Variants in SETD7 observed in about 807,000 individuals in gnomAD.
The protein encoded by SETD7 is SET domain containing 7, histone lysine methyltransferase.
Under a neutral mutation model 41.8 loss-of-function variants are expected in SETD7, and 16 were observed. That is an observed-to-expected ratio of 0.38 (90% CI 0.26 to 0.58). SETD7 has a LOEUF of 0.58. Ranked by LOEUF, SETD7 falls within the 20% of genes least tolerant of loss-of-function variation. The pLI is 0.64. For synonymous variants in SETD7, 163 were observed against 169.7 expected (o/e 0.96, Z 0.31); for missense variants, 346 against 459.7 (o/e 0.75, Z 2.26).
At chr4:139,530,386 G>A (rs1727450205) in intron 3 of SETD7, among the ~76,000 whole-genome samples, 1 of 132,820 alleles carries the variant, frequency 7.5e-6, no homozygotes, top group African/African-American at 2.9e-5. Context: ...TGCCTTCTAG[G>A]AAAAGGGATG....
chr4:139,528,880 A>T, intron 4 of SETD7, 151 bp downstream of exon 4: 1 of 646,510 alleles, frequency 1.5e-6, no homozygotes, highest in Non-Finnish European at 2.6e-6. Flanking sequence ...ACCACTGGGG[A>T]GGTGCAGTGT....
intron 2 of SETD7, among the ~76,000 whole-genome samples, chr4:139,545,456 T>C (rs1249577999): frequency 1.3e-5 from 2 of 152,190 alleles, no homozygotes; most frequent in African/African-American, 4.8e-5. Context: ...TGGGCCTCTA[T>C]GGCACTCAAG....
intron 2 of SETD7, among the ~76,000 whole-genome samples, chr4:139,542,032 G>A (rs1029109596): frequency 4.6e-5 from 7 of 152,128 alleles, no homozygotes; most frequent in Admixed American, 6.5e-5. Context: ...TGGTATATAC[G>A]TACACAATGG....
At chr4:139,520,060 T>C (rs943557800) in intron 6 of SETD7, among the ~76,000 whole-genome samples, 3 of 152,182 alleles carry the variant, frequency 2.0e-5, no homozygotes, top group Non-Finnish European at 4.4e-5. Context: ...TACTGTCTTA[T>C]TGATGGCATT....
At position 139,555,543 on chromosome 4, in the gene SETD7, G is replaced by A. The variant is rs1337343865; in HGVS notation, c.40+555C>T. ...CGACAATGATTTCATCTTTTCGGAAGAGCTGCCGCCTGGGCCGCGGCTGCC... is the reference window on the plus strand; with the variant it reads ...CGACAATGATTTCATCTTTTCGGAAAAGCTGCCGCCTGGGCCGCGGCTGCC... On this transcript the variant is annotated intron_variant, in intron 1 of 7. Transcript: ENST00000274031. The surrounding 1 kb of genome is among the most constrained non-coding windows in gnomAD (Gnocchi z 4.0). 6.6e-6 allele frequency among the ~76,000 whole-genome samples: 1 copy of A among 152,144 alleles called. No homozygotes were observed. Among genetic ancestry groups the A allele is most frequent in the Non-Finnish European group, 1.5e-5 (1 of 68,008 alleles).
intron 2 of SETD7, among the ~76,000 whole-genome samples, chr4:139,542,419 A>T (rs956945236): frequency 2.6e-5 from 4 of 152,240 alleles, no homozygotes; most frequent in African/African-American, 9.6e-5. Context: ...CCAGAAAGAA[A>T]TGATGAATCT....
chr4:139,519,181 C>T (rs148743749), intron 6 of SETD7, among the ~76,000 whole-genome samples: 2 of 152,272 alleles, frequency 1.3e-5, no homozygotes, highest in Non-Finnish European at 2.9e-5. Context: ...CTTAGGCTGC[C>T]ATTAGTTGTG....
rs1469086341 is a variant in SETD7 at position 139,510,925 on chromosome 4, G to A, written c.*738C>T. 4 of 152,522 alleles carry A rather than the reference G, an allele frequency of 2.6e-5. No individual in the cohort carries two copies. The highest frequency in any genetic ancestry group is 5.9e-5 in the Non-Finnish European group (4 of 68,030). 9.4% of individuals were successfully genotyped at this position (152,522 alleles called of 1,614,324 possible). A position where few individuals can be genotyped will look rare whatever the true frequency, so the allele number is the denominator to read the frequency against. On this transcript the variant is annotated 3_prime_UTR_variant, in exon 8 of 8. Transcript: ENST00000274031. ...AAAGCAAAGATATCTTTGTTTACATGCGAGAATAATATTCTATAATAATAC... is the reference window on the plus strand; with the variant it reads ...AAAGCAAAGATATCTTTGTTTACATACGAGAATAATATTCTATAATAATAC...
intron 5 of SETD7, among the ~76,000 whole-genome samples, chr4:139,522,147 C>T (rs965507805): frequency 1.6e-4 from 25 of 152,144 alleles, no homozygotes; most frequent in African/African-American, 6.0e-4. Context: ...TGGGCCAGAG[C>T]CTCATGTCAA....
rs1168768771 is a variant in SETD7 at position 139,555,667 on chromosome 4, G to T, written c.40+431C>A. 6.6e-6 allele frequency among the ~76,000 whole-genome samples: 1 copy of T among 152,096 alleles called. No homozygotes were observed. The highest frequency in any genetic ancestry group is 6.5e-5 in the Admixed American group (1 of 15,278). Reference sequence around the variant, plus strand: ...GAGGCAGCAGAAGGGAAGGGCTGGCGGCCGGGAGGGGATCGGGGTGGCCAA... The same window carrying T: ...GAGGCAGCAGAAGGGAAGGGCTGGCTGCCGGGAGGGGATCGGGGTGGCCAA... On this transcript the variant is annotated intron_variant, in intron 1 of 7. Transcript: ENST00000274031. The surrounding 1 kb of genome is among the most constrained non-coding windows in gnomAD (Gnocchi z 4.0).
chr4:139,512,831 C>G (rs1353965245), intron 7 of SETD7, among the ~76,000 whole-genome samples: 1 of 130,820 alleles, frequency 7.6e-6, no homozygotes, highest in Admixed American at 9.2e-5. Flanking sequence ...GATCTTGGCT[C>G]ACTGCAACTT....
downstream of SETD7, among the ~76,000 whole-genome samples, chr4:139,505,441 G>T (rs1001374258): frequency 5.3e-5 from 8 of 152,168 alleles, no homozygotes; most frequent in Admixed American, 5.2e-4. Context: ...ATACAAAAAT[G>T]AGCTGAGTGT....
chr4:139,550,326 A>G (rs1728074811), intron 1 of SETD7, among the ~76,000 whole-genome samples: 1 of 152,174 alleles, frequency 6.6e-6, no homozygotes, highest in African/African-American at 2.4e-5. Context: ...ACCACTCCCT[A>G]TCATTCTGAA....
rs765989296 is a variant in SETD7, at chr4:139,517,886, T to A, written c.919A>T (p.Met307Leu). ...CCAGCAGCTCTGGGTAATACTTACA[T>A]ATCGTAGATGCAGTTTGGAGTGAAG... ...HSFTPNCIYD[M>L]FVHPRFGPIK... The change falls in exon 7 of 8, where the codon ATG (methionine) becomes TTG (leucine). Residue 307 changes from methionine to leucine, a missense_variant and splice_region_variant. Physicochemically the swap from Met to Leu is conservative, Grantham distance 15. This residue lies in a region of SETD7 where 75 missense variants were observed against 65.5 expected (regional missense o/e 1.14). Transcript: ENST00000274031. 1.2e-6 allele frequency: 2 copies of A among 1,612,816 alleles called. No individual in the cohort carries two copies. The highest frequency in any genetic ancestry group is 3.3e-5 in the Admixed American group (2 of 59,908).
intron 7 of SETD7, among the ~76,000 whole-genome samples, chr4:139,514,903 C>T (rs1034028290): frequency 1.3e-5 from 2 of 152,174 alleles, no homozygotes; most frequent in African/African-American, 4.8e-5. Context: ...TGGTGGCCCA[C>T]ACCTGTAATC....
chr4:139,550,435 G>C (rs1292547769), intron 1 of SETD7, among the ~76,000 whole-genome samples: 1 of 152,146 alleles, frequency 6.6e-6, no homozygotes, highest in African/African-American at 2.4e-5. Flanking sequence ...TCCCTAGGGT[G>C]TGATCAATTA....
chr4:139,544,695 T>C (rs1183057498), intron 2 of SETD7, among the ~76,000 whole-genome samples: 2 of 152,092 alleles, frequency 1.3e-5, no homozygotes, highest in Non-Finnish European at 2.9e-5. Flanking sequence ...ATCAGCCCCA[T>C]AAAGCAAGCA....
chr4:139,521,829 C>T (rs921759249), intron 5 of SETD7, among the ~76,000 whole-genome samples: 7 of 152,190 alleles, frequency 4.6e-5, no homozygotes, highest in African/African-American at 1.4e-4. Context: ...AGAATATGCC[C>T]TAGGGGGCTG....
chr4:139,534,184 T>A (rs1301630562), intron 2 of SETD7, among the ~76,000 whole-genome samples: 1 of 152,160 alleles, frequency 6.6e-6, no homozygotes, highest in Non-Finnish European at 1.5e-5. Context: ...AATATATATT[T>A]GCAAGTTCAG....
Sources: gnomAD v4.1 joint callset for allele counts (sites outside exome capture counted in the v4.1 genomes callset) on GRCh38, gnomAD v4.1.1 for gene constraint, gnomAD v4.1.1 regional missense constraint, Gnocchi (gnomAD v3.1) non-coding constraint, MANE v1.5 for transcripts, NCBI Gene and HGNC (gene_info 2026-07-23, HGNC 2026-07-21) for gene names.